Variants in LCOR observed in about 807,000 individuals in gnomAD.
LCOR encodes ligand-dependent corepressor.
A neutral mutation model predicts 64.4 loss-of-function variants in LCOR; 14 were observed. The ratio of observed to expected loss-of-function variants is 0.22; its 90% CI spans 0.14 to 0.34. The LOEUF is 0.34. Among genes scored for constraint, LCOR ranks in the 10% least tolerant of loss-of-function variants. The pLI is 1.00. For synonymous variants in LCOR, 643 were observed against 642.5 expected, an observed-to-expected ratio of 1.00 and a Z score of -0.01; for missense variants, 1,686 against 1,765.3, an observed-to-expected ratio of 0.96 and a Z score of 0.80.
intron 2 of LCOR, among the ~76,000 whole-genome samples, chr10:96,855,654 T>C (rs1845790770): frequency 6.6e-6 from 1 of 152,144 alleles, no homozygotes; most frequent in East Asian, 1.9e-4. Context: ...CAGGCTGGTC[T>C]CCGACTCCTG....
At chr10:96,967,045 A>G (rs1171008230) in intron 7 of LCOR, among the ~76,000 whole-genome samples, 1 of 152,138 alleles carries the variant, frequency 6.6e-6, no homozygotes, top group African/African-American at 2.4e-5. Context: ...CCGACTGTAG[A>G]GGTTTTGTAG....
chr10:96,880,776 A>G (rs1293352328), intron 2 of LCOR, among the ~76,000 whole-genome samples: 3 of 152,246 alleles, frequency 2.0e-5, no homozygotes, highest in Non-Finnish European at 4.4e-5. Flanking sequence ...CTTTGTTGGC[A>G]TTAATGAGTC....
intron 2 of LCOR, among the ~76,000 whole-genome samples, chr10:96,881,414 C>G (rs1436639857): frequency 6.6e-6 from 1 of 151,682 alleles, no homozygotes; most frequent in Non-Finnish European, 1.5e-5. Context: ...TGGCAGATAT[C>G]AAGTCCTGGC....
In LCOR at chr10:96,900,824, C is replaced by T. The variant is rs116250793; in HGVS notation, c.-329-6441C>T. On this transcript the variant is annotated intron_variant, in intron 2 of 7. Coordinates refer to ENST00000421806, the MANE Select transcript of LCOR (RefSeq NM_001346516.2). ...TCAATATTCATAAGCAACACATTGTCTTCATTTTTCCTCTAGAATTTTGTA... is the reference window on the plus strand; with the variant it reads ...TCAATATTCATAAGCAACACATTGTTTTCATTTTTCCTCTAGAATTTTGTA... 2.4e-3 allele frequency among the ~76,000 whole-genome samples: 360 copies of T among 150,300 alleles called. 5 individuals are homozygous for T. Among genetic ancestry groups the T allele is most frequent in the African/African-American group, 8.0e-3 (327 of 41,050 alleles).
chr10:96,986,516 G>C lies in LCOR; in HGVS notation c.*1382G>C, dbSNP rs1245491501. ...CCATCCTAGTAGTTAAATGCTTGTA[G>C]TATCACTCCTGCCATGTCATGTCAG... On this transcript the variant is annotated 3_prime_UTR_variant, in exon 8 of 8. Transcript: ENST00000421806. The C allele has an allele frequency of 1.3e-5, 2 of 152,186 alleles. No homozygotes were observed. Among genetic ancestry groups the C allele is most frequent in the Non-Finnish European group, 2.9e-5 (2 of 68,038 alleles). 9.4% of individuals were successfully genotyped at this position (152,186 alleles called of 1,614,324 possible). A position where few individuals can be genotyped will look rare whatever the true frequency, so the allele number is the denominator to read the frequency against.
At chr10:96,842,198 G>A (rs1045211872) in intron 2 of LCOR, among the ~76,000 whole-genome samples, 10 of 152,084 alleles carry the variant, frequency 6.6e-5, no homozygotes, top group East Asian at 1.9e-4. Flanking sequence ...GATCGAGACC[G>A]TCCTGGCCAA....
Position 96,983,203 on chromosome 10 carries a change from A to C in LCOR, c.2743A>C (p.Met915Leu). ...CATCACCAGGCAGACTTTGAAAAACATGCTGGACAAAGAAGTCAAGGAGTT... is the reference window on the plus strand; with the variant it reads ...CATCACCAGGCAGACTTTGAAAAACCTGCTGGACAAAGAAGTCAAGGAGTT... ...GIITRQTLKN[M>L]LDKEVKELRG... Residue 915 changes from methionine (M) to leucine (L), a missense_variant, in exon 8 of 8, where the codon ATG (methionine) becomes CTG (leucine). Coordinates refer to ENST00000421806, the MANE Select transcript of LCOR (RefSeq NM_001346516.2). The surrounding 1 kb of genome is among the most constrained non-coding windows in gnomAD (Gnocchi z 4.5). The C allele has an allele frequency of 6.2e-7, 1 of 1,614,170 alleles. No homozygotes were observed. The highest frequency in any genetic ancestry group is 8.5e-7 in the Non-Finnish European group (1 of 1,180,038).
At chr10:96,871,507 G>A (rs1846071584) in intron 2 of LCOR, among the ~76,000 whole-genome samples, 1 of 151,970 alleles carries the variant, frequency 6.6e-6, no homozygotes, top group African/African-American at 2.4e-5. Context: ...CTGCTTCCTG[G>A]ACTCCAGTGA....
At chr10:96,942,425 A>G (rs1251661341) in intron 4 of LCOR, among the ~76,000 whole-genome samples, 3 of 151,286 alleles carry the variant, frequency 2.0e-5, no homozygotes, top group African/African-American at 7.3e-5. Flanking sequence ...CATCAGAGGG[A>G]GACCGTGGAA....
At chr10:96,835,413 A>G (rs950207437) in intron 2 of LCOR, among the ~76,000 whole-genome samples, 2 of 152,238 alleles carry the variant, frequency 1.3e-5, no homozygotes, top group African/African-American at 4.8e-5. Context: ...TAATCTGAGC[A>G]GTAACATATA....
At position 96,924,536 on chromosome 10, in the gene LCOR, C is replaced by A. The variant is rs753200074; in HGVS notation, c.-184+16789C>A. 1.3e-4 allele frequency among the ~76,000 whole-genome samples: 20 copies of A among 152,040 alleles called. 1 individual carries two copies. Among genetic ancestry groups the A allele is most frequent in the Non-Finnish European group, 2.6e-4 (18 of 67,968 alleles). ...GGATTATAGATGTGAGCTACTGCGC[C>A]CAGCCACATTAAAAAATTTTTTATT... On this transcript the variant is annotated intron_variant, in intron 4 of 7. Transcript: ENST00000421806.
chr10:96,981,467 GTAT>G lies in LCOR; in HGVS notation c.1012_1014del (p.Ile338del). The G allele has an allele frequency of 6.2e-7, 1 of 1,614,130 alleles. No individual in the cohort carries two copies. On this transcript the variant is annotated inframe_deletion, in exon 8 of 8. Transcript: ENST00000421806. ...GAGAATAGTGAGGAAGGCAATACCT[GTAT>G]TATTCCTCAAAGAAATTTGTTCAAA...
At chr10:96,855,426 TTTTGTTTG>T (rs147989221) in intron 2 of LCOR, among the ~76,000 whole-genome samples, 2 of 151,682 alleles carry the variant, frequency 1.3e-5, no homozygotes, top group African/African-American at 2.4e-5. Context: ...TTTTTTTGTT[TTTTGTTTG>T]TTTGTTTGTT....
chr10:96,925,275 CA>C (rs1171663088), intron 4 of LCOR, among the ~76,000 whole-genome samples: 2 of 152,026 alleles, frequency 1.3e-5, no homozygotes, highest in African/African-American at 2.4e-5. Context: ...AGGGTTTCAC[CA>C]TGTTGGCCAG....
At chr10:96,892,527 C>T (rs1460061273) in intron 2 of LCOR, among the ~76,000 whole-genome samples, 1 of 152,152 alleles carries the variant, frequency 6.6e-6, no homozygotes, top group Non-Finnish European at 1.5e-5. Flanking sequence ...GCTATGTTCT[C>T]ACATGACAAA....
At chr10:96,969,655 A>T (rs1290067774) in intron 7 of LCOR, among the ~76,000 whole-genome samples, 1 of 152,104 alleles carries the variant, frequency 6.6e-6, no homozygotes, top group African/African-American at 2.4e-5. Flanking sequence ...GGGGACAATT[A>T]TGCCTATTTA....
rs1589653312 is a variant in LCOR at position 96,916,179 on chromosome 10, C to CTACAGTTAGA, written c.-184+8432_-184+8433insTACAGTTAGA. 2.0e-5 allele frequency among the ~76,000 whole-genome samples: 3 copies of CTACAGTTAGA among 151,776 alleles called. No homozygotes were observed. In the East Asian group the frequency reaches 5.8e-4, roughly 30 times the overall value. ...CCTGAGTAGCTGGGACTACAGGTGCCCGCCACCACTCCCGTCTAACTTTTT... is the reference window on the plus strand; with the variant it reads ...CCTGAGTAGCTGGGACTACAGGTGCCTACAGTTAGACGCCACCACTCCCGTCTAACTTTTT... On this transcript the variant is annotated intron_variant, in intron 4 of 7. Coordinates refer to ENST00000421806, the MANE Select transcript of LCOR (RefSeq NM_001346516.2).
chr10:96,930,136 A>G (rs1270012642), intron 4 of LCOR, among the ~76,000 whole-genome samples: 2 of 152,226 alleles, frequency 1.3e-5, no homozygotes, highest in Non-Finnish European at 2.9e-5. Context: ...TGGCACCACT[A>G]GACTTGGTCG....
chr10:96,983,045 C>T lies in LCOR; in HGVS notation c.2585C>T (p.Pro862Leu). The T allele has an allele frequency of 6.2e-7, 1 of 1,613,972 alleles. No homozygotes were observed. The highest frequency in any genetic ancestry group is 1.1e-5 in the South Asian group (1 of 91,062). The stretch of plus-strand genomic sequence containing the variant: ...AAACGTTCAAAAAAAGAAGGGCACC[C>T]TGGTGGGACAACACCTAAGGGCCTT... ...SAKRSKKEGH[P>L]GGTTPKGLLP... The change falls in exon 8 of 8, where the codon CCT becomes CTT. Residue 862 changes from proline to leucine, a missense_variant. Pro to Leu is a moderately conservative substitution (Grantham distance 98, BLOSUM62 -3). Around this residue, in one of 3 missense-constraint regions of LCOR, gnomAD observed 1,293 missense variants for 1,410.4 expected, o/e 0.92. Transcript: ENST00000421806. The surrounding 1 kb of genome is among the most constrained non-coding windows in gnomAD (Gnocchi z 4.5).
Sources: gnomAD v4.1 joint callset for allele counts (sites outside exome capture counted in the v4.1 genomes callset) on GRCh38, gnomAD v4.1.1 for gene constraint, gnomAD v4.1.1 regional missense constraint, Gnocchi (gnomAD v3.1) non-coding constraint, MANE v1.5 for transcripts, NCBI Gene and HGNC (gene_info 2026-07-23, HGNC 2026-07-21) for gene names.